The following PCDHA12 variants were observed in gnomAD, a reference collection of about 807,000 sequenced individuals.
PCDHA12 encodes the protein protocadherin alpha 12.
PCDHA12 carries 44 observed loss-of-function variants against 60.0 expected under a neutral mutation model. That is an observed-to-expected ratio of 0.73 (90% CI 0.58 to 0.94). PCDHA12 has a LOEUF of 0.94. PCDHA12 is among the 40% of genes least tolerant of loss of function. The pLI is 0.00. For missense variants in PCDHA12, 1,276 were observed against 1,239.7 expected (o/e 1.03, Z -0.44); for synonymous variants, 569 against 553.0 (o/e 1.03, Z -0.40).
intron 1 of PCDHA12, 159 bp from the exon 2 acceptor site, chr5:140,978,790 T>C (rs2096823347): frequency 3.1e-6 from 3 of 975,976 alleles, no homozygotes; most frequent in Non-Finnish European, 3.7e-6. Flanking sequence ...TAAAGTGCTA[T>C]ATATGTAGAT....
intron 1 of PCDHA12, among the ~76,000 whole-genome samples, chr5:140,941,194 TCTTTCTTCCTTTCTTTCTTCCTTTC>T (rs1257521577): frequency 8.9e-6 from 1 of 112,354 alleles, no homozygotes; most frequent in Admixed American, 9.1e-5. Context: ...TCTTTTTTTT[TCTTTCTTCCTTTCTTTCTTCCTTTC>T]TTTCTTTCTT....
intron 1 of PCDHA12, chr5:140,883,321 C>T: frequency 6.2e-7 from 1 of 1,614,120 alleles, no homozygotes; most frequent in South Asian, 1.1e-5. Flanking sequence ...CAGAGGTTAC[C>T]ATCACTTCTT....
chr5:140,914,982 T>C (rs1411265179), intron 1 of PCDHA12, among the ~76,000 whole-genome samples: 1 of 149,996 alleles, frequency 6.7e-6, no homozygotes, highest in Non-Finnish European at 1.5e-5. Context: ...AGTCTTGCTC[T>C]GCTACCAGGC....
intron 1 of PCDHA12, among the ~76,000 whole-genome samples, chr5:140,962,590 C>T (rs2095694493): frequency 6.6e-6 from 1 of 152,144 alleles, no homozygotes; most frequent in African/African-American, 2.4e-5. Context: ...AAATATTTGA[C>T]TGATATATTT....
chr5:140,922,177 A>G (rs1194396252), intron 1 of PCDHA12, among the ~76,000 whole-genome samples: 1 of 69,034 alleles, frequency 1.4e-5, no homozygotes, highest in Non-Finnish European at 3.3e-5. Context: ...TACAGCAGAC[A>G]AAAAAAAAGT....
In PCDHA12 at chr5:140,877,274, C is replaced by G. The variant is rs781933102; in HGVS notation, c.1802C>G (p.Ser601Cys). ...VAKVRAVDAD[S>C]GYNAWLSYEL... Reference sequence around the variant, plus strand: ...AAAGTGCGCGCGGTGGACGCTGACTCCGGCTATAACGCTTGGCTGTCCTAC... The same window carrying G: ...AAAGTGCGCGCGGTGGACGCTGACTGCGGCTATAACGCTTGGCTGTCCTAC... The change falls in exon 1 of 4, where the codon TCC (serine) becomes TGC (cysteine). Residue 601 changes from serine (S) to cysteine (C), a missense_variant. By Grantham distance (112) the Ser-to-Cys change is moderately radical. Coordinates refer to ENST00000398631, the MANE Select transcript of PCDHA12 (RefSeq NM_018903.4). 6.2e-7 allele frequency: 1 copy of G among 1,613,856 alleles called. No homozygotes were observed. Among genetic ancestry groups the G allele is most frequent in the South Asian group, 1.1e-5 (1 of 91,070 alleles).
At chr5:140,967,456 G>C in intron 1 of PCDHA12, 1 of 1,613,598 alleles carries the variant, frequency 6.2e-7, no homozygotes, top group Non-Finnish European at 8.5e-7. Context: ...TCACAGCCGT[G>C]GATGGGGGCA....
At chr5:141,002,435 C>A (rs958320342) in intron 3 of PCDHA12, among the ~76,000 whole-genome samples, 3 of 152,280 alleles carry the variant, frequency 2.0e-5, no homozygotes, top group South Asian at 2.1e-4. Flanking sequence ...AGGCAATAAC[C>A]ATAATAATTG....
chr5:140,934,043 G>A (rs1241698438), intron 1 of PCDHA12, among the ~76,000 whole-genome samples: 1 of 151,818 alleles, frequency 6.6e-6, no homozygotes, highest in African/African-American at 2.4e-5. Context: ...AATGATATTA[G>A]TCTTTCCAAG....
chr5:140,928,050 G>A (rs782229340), intron 1 of PCDHA12: 3 of 1,614,180 alleles, frequency 1.9e-6, no homozygotes, highest in Non-Finnish European at 2.5e-6. Flanking sequence ...GCCCTTTTCA[G>A]CTGACGGCTT....
chr5:140,996,262 C>G (rs943119390), intron 3 of PCDHA12, among the ~76,000 whole-genome samples: 1 of 152,182 alleles, frequency 6.6e-6, no homozygotes. Flanking sequence ...CAACACAGAG[C>G]CTGGGATTGC....
chr5:140,906,662 G>A (rs1186000828), intron 1 of PCDHA12, among the ~76,000 whole-genome samples: 1 of 152,200 alleles, frequency 6.6e-6, no homozygotes, highest in Non-Finnish European at 1.5e-5. Context: ...TCCTGGTGTA[G>A]TGACCCAAAC....
chr5:140,958,454 T>G (rs2095424871), intron 1 of PCDHA12, among the ~76,000 whole-genome samples: 1 of 152,168 alleles, frequency 6.6e-6, no homozygotes, highest in African/African-American at 2.4e-5. Flanking sequence ...CCTTTTATTC[T>G]TCAACTTCTG....
chr5:140,969,254 A>G (rs781854163), intron 1 of PCDHA12: 2 of 1,614,242 alleles, frequency 1.2e-6, no homozygotes, highest in Non-Finnish European at 1.7e-6. Context: ...GACTGACAGC[A>G]GGAATCTCAC....
intron 1 of PCDHA12, chr5:140,928,845 T>C: frequency 6.2e-7 from 1 of 1,614,180 alleles, no homozygotes; most frequent in Non-Finnish European, 8.5e-7. Flanking sequence ...CCTCTGTCAC[T>C]CTGGGTGTGC....
In PCDHA12 at chr5:140,877,205, G is replaced by A; in HGVS notation, c.1733G>A (p.Ser578Asn). 6.2e-7 allele frequency: 1 copy of A among 1,613,824 alleles called. No individual in the cohort carries two copies. The highest frequency in any genetic ancestry group is 1.1e-5 in the South Asian group (1 of 91,066). Reference protein sequence around the residue: ...TPAGSAGGAVSELVPRSVGAG... With the variant: ...TPAGSAGGAVNELVPRSVGAG... ...GCTGGCAGCGCAGGAGGCGCAGTTA[G>A]CGAGTTGGTACCGCGGTCGGTGGGT... The change falls in exon 1 of 4, where the codon AGC becomes AAC. Residue 578 changes from serine to asparagine, a missense_variant. Physicochemically the swap from Ser to Asn is conservative, Grantham distance 46. Coordinates refer to ENST00000398631, the MANE Select transcript of PCDHA12 (RefSeq NM_018903.4).
rs1554169943 is a variant in PCDHA12, at chr5:140,877,637, G to A, written c.2165G>A (p.Arg722His). 1 of 1,613,520 alleles carries A rather than the reference G, an allele frequency of 6.2e-7. No homozygotes were observed. Among genetic ancestry groups the A allele is most frequent in the Non-Finnish European group, 8.5e-7 (1 of 1,179,836 alleles). Residue 722 changes from arginine (R) to histidine (H), a missense_variant, in exon 1 of 4, where the codon CGT becomes CAT. Transcript: ENST00000398631. The stretch of plus-strand genomic sequence containing the variant: ...ACGCTGCTGCTGTACACTGCGCTGC[G>A]TTGCTCAGCGCCGCCCACCGTGAGC... ...VLTLLLYTAL[R>H]CSAPPTVSRC...
intron 1 of PCDHA12, among the ~76,000 whole-genome samples, chr5:140,892,332 T>A (rs552266223): frequency 6.6e-6 from 1 of 152,274 alleles, no homozygotes; most frequent in African/African-American, 2.4e-5. Context: ...TTCTCCAGAA[T>A]GGATTTTAAT....
At chr5:140,957,855 T>TC (rs1398127159) in intron 1 of PCDHA12, among the ~76,000 whole-genome samples, 1 of 151,980 alleles carries the variant, frequency 6.6e-6, no homozygotes, top group Non-Finnish European at 1.5e-5. Context: ...TTTGTGTATT[T>TC]TTTTTCCTAT....
Sources: allele counts gnomAD v4.1 joint callset (sites outside exome capture counted in the v4.1 genomes callset), GRCh38; gene constraint gnomAD v4.1.1; transcripts MANE v1.5; gene names NCBI Gene and HGNC (gene_info 2026-07-23, HGNC 2026-07-21).